CBR4: variants seen among roughly 807,000 people sequenced by gnomAD.
CBR4 encodes the protein 3-oxoacyl-[acyl-carrier-protein] reductase.
A neutral mutation model predicts 21.0 loss-of-function variants in CBR4; 22 were observed. The observed-to-expected ratio is 1.05, with a 90% CI of 0.75 to 1.50. The LOEUF (loss-of-function observed/expected upper bound fraction) is 1.50. CBR4 is among the 40% of genes most tolerant of loss of function. CBR4 has a pLI of 0.00. For missense variants in CBR4, 302 were observed against 286.3 expected, an observed-to-expected ratio of 1.05 and a Z score of -0.40; for synonymous variants, 100 against 104.4, an observed-to-expected ratio of 0.96 and a Z score of 0.26.
At position 168,894,750 on chromosome 4, in the gene CBR4, G is replaced by A. The variant is rs115275852; in HGVS notation, n.185C>T. On this transcript the variant is annotated non_coding_transcript_exon_variant, in exon 3 of 4. Coordinates refer to the CBR4 transcript ENST00000509108. ...CTTTTCCATCTTCCTTATGGATACTGTTCTTGGGATGAGTTCTGTGGAAAG... is the reference window on the plus strand; with the variant it reads ...CTTTTCCATCTTCCTTATGGATACTATTCTTGGGATGAGTTCTGTGGAAAG... 2,285 of 1,564,156 alleles carry A rather than the reference G, an allele frequency of 1.5e-3. 41 individuals are homozygous for A. In the African/African-American group the frequency reaches 0.027, roughly 18 times the overall value.
intron 2 of CBR4, chr4:168,921,393 G>A: frequency 1.8e-6 from 1 of 563,542 alleles, no homozygotes; most frequent in Non-Finnish European, 2.9e-6. Flanking sequence ...GGCAATAAGA[G>A]TGAAACTCTG....
chr4:168,947,608 C>T (rs1006642942), intron 2 of CBR4, among the ~76,000 whole-genome samples: 1 of 152,210 alleles, frequency 6.6e-6, no homozygotes, highest in Non-Finnish European at 1.5e-5. Flanking sequence ...CATAGCTTAG[C>T]TCCCACATAT....
rs542699729 is a variant in CBR4 at position 168,938,848 on chromosome 4, G to A, written n.170-44083C>T. 2.6e-5 allele frequency among the ~76,000 whole-genome samples: 4 copies of A among 152,264 alleles called. No individual in the cohort carries two copies. The South Asian group carries it at 6.2e-4, about 24-fold the overall frequency. The stretch of plus-strand genomic sequence containing the variant: ...AAGTCCAGGACTAGACGGATTCACA[G>A]CCAAATTCTACCAGAGGTACAAAGA... On this transcript the variant is annotated intron_variant and non_coding_transcript_variant, in intron 2 of 3. Transcript: ENST00000509108.
chr4:168,920,177 TG>T (rs1761153127), intron 2 of CBR4, among the ~76,000 whole-genome samples: 1 of 152,142 alleles, frequency 6.6e-6, no homozygotes, highest in African/African-American at 2.4e-5. Flanking sequence ...GGTCAGGCAG[TG>T]TACATGGAGA....
At chr4:168,982,884 C>G (rs1764582964), downstream of CBR4, among the ~76,000 whole-genome samples, 1 of 152,122 alleles carries the variant, frequency 6.6e-6, no homozygotes, top group African/African-American at 2.4e-5. Flanking sequence ...AACAAAGATG[C>G]AACATATGAA....
At position 169,006,579 on chromosome 4, in the gene CBR4, T is replaced by C. The variant is rs547624513; in HGVS notation, c.400+176A>G. ...TCATTTAACACCTGCCTGACTCCTA[T>C]AGGGATGTGAATGTGTGATTCTTAT... On this transcript the variant is annotated intron_variant, in intron 3 of 4. Coordinates refer to ENST00000306193, the MANE Select transcript of CBR4 (RefSeq NM_032783.5). 1.6e-4 allele frequency among the ~76,000 whole-genome samples: 24 copies of C among 152,344 alleles called. No individual in the cohort carries two copies. In the South Asian group the frequency reaches 2.9e-3, roughly 18 times the overall value.
Position 168,976,881 on chromosome 4 carries a change from G to A in CBR4, n.169+25190C>T, listed in dbSNP as rs1764388919. Reference sequence around the variant, plus strand: ...CTTTTGTGGATCTTCACTTGCTTCAGGCCATCTAGATGTATACATGCAGGT... The same window carrying A: ...CTTTTGTGGATCTTCACTTGCTTCAAGCCATCTAGATGTATACATGCAGGT... On this transcript the variant is annotated intron_variant and non_coding_transcript_variant, in intron 2 of 3. Transcript: ENST00000509108. 2.0e-5 allele frequency among the ~76,000 whole-genome samples: 3 copies of A among 152,344 alleles called. No individual in the cohort carries two copies. In the South Asian group the frequency reaches 6.2e-4, roughly 32 times the overall value.
At chr4:168,962,561 T>C (rs1354051417) in intron 2 of CBR4, among the ~76,000 whole-genome samples, 1 of 152,196 alleles carries the variant, frequency 6.6e-6, no homozygotes, top group African/African-American at 2.4e-5. Context: ...CACAGAAGAA[T>C]TGCTGGTTGG....
intron 2 of CBR4, among the ~76,000 whole-genome samples, chr4:168,963,231 T>C (rs1763915104): frequency 6.6e-6 from 1 of 152,220 alleles, no homozygotes; most frequent in South Asian, 2.1e-4. Context: ...GCCAGTTTTA[T>C]CCTGATGTTA....
chr4:168,905,150 T>TG (rs1560895065), intron 2 of CBR4, among the ~76,000 whole-genome samples: 10 of 130,808 alleles, frequency 7.6e-5, no homozygotes, highest in Non-Finnish European at 1.1e-4. Flanking sequence ...TTTTTTTTTT[T>TG]TTTTTTTTTT....
At chr4:168,899,963 T>G in intron 2 of CBR4, among the ~76,000 whole-genome samples, 1 of 151,898 alleles carries the variant, frequency 6.6e-6, no homozygotes. Context: ...GGCTCACAGT[T>G]CTGCATGGTA....
At chr4:168,905,157 T>G (rs562810749) in intron 2 of CBR4, among the ~76,000 whole-genome samples, 33 of 137,454 alleles carry the variant, frequency 2.4e-4, no homozygotes, top group African/African-American at 7.5e-4. Context: ...TTTTTTTTTT[T>G]TTTTTTTTTT....
chr4:168,925,751 A>ATAAC (rs1186425345), intron 2 of CBR4, among the ~76,000 whole-genome samples: 5 of 152,228 alleles, frequency 3.3e-5, no homozygotes, highest in Admixed American at 6.5e-5. Flanking sequence ...TCTTCTTGAA[A>ATAAC]TAACTATGTG....
chr4:169,005,902 T>A (rs1730875955), intron 3 of CBR4: 2 of 1,288,494 alleles, frequency 1.6e-6, no homozygotes, highest in Non-Finnish European at 2.0e-6. Context: ...GAGCAGCATC[T>A]CCCTTCTGTG....
At position 169,006,048 on chromosome 4, in the gene CBR4, C is replaced by CT. The variant is rs1019593333; in HGVS notation, c.400+706dup. ...GCATATACTCCACAGCTTATCTGCC[C>CT]TGTGGGTTAGATGAACTGAAAACTA... On this transcript the variant is annotated intron_variant, in intron 3 of 4. Transcript: ENST00000306193. The CT allele has an allele frequency of 8.5e-5, 40 of 471,626 alleles. 1 individual carries two copies. The highest frequency in any genetic ancestry group is 7.6e-4 in the African/African-American group (37 of 48,974). The allele number at this position is 471,626 out of a possible 1,614,324, so 29.2% of individuals were successfully genotyped here. A position where few individuals can be genotyped will look rare whatever the true frequency, so the allele number is the denominator to read the frequency against.
intron 2 of CBR4, among the ~76,000 whole-genome samples, chr4:168,919,455 G>A (rs1218538022): frequency 6.6e-6 from 1 of 151,836 alleles, no homozygotes; most frequent in Non-Finnish European, 1.5e-5. Context: ...AACCCGGGAG[G>A]CGGAGGTTGC....
At position 168,913,992 on chromosome 4, in the gene CBR4, G is replaced by T. The variant is rs1257537496; in HGVS notation, n.170-19227C>A. Reference sequence around the variant, plus strand: ...TCAACCAAAGAGGTCGAAGTCCCCGGTCTCCCTCAGGCCATCCTCATGTCA... The same window carrying T: ...TCAACCAAAGAGGTCGAAGTCCCCGTTCTCCCTCAGGCCATCCTCATGTCA... On this transcript the variant is annotated intron_variant and non_coding_transcript_variant, in intron 2 of 3. Transcript: ENST00000509108. 1.2e-6 allele frequency: 2 copies of T among 1,611,192 alleles called. No individual in the cohort carries two copies. Among genetic ancestry groups the T allele is most frequent in the Non-Finnish European group, 1.7e-6 (2 of 1,177,484 alleles).
intron 2 of CBR4, among the ~76,000 whole-genome samples, chr4:168,965,057 CAA>C (rs1175928247): frequency 1.9e-4 from 29 of 152,154 alleles, no homozygotes; most frequent in Non-Finnish European, 1.5e-5. Context: ...GCAACTTCAG[CAA>C]AGTCTCAGGA....
chr4:168,937,238 A>C (rs180813653), intron 2 of CBR4, among the ~76,000 whole-genome samples: 269 of 152,302 alleles, frequency 1.8e-3, no homozygotes, highest in African/African-American at 6.2e-3. Context: ...GAGAAATAAA[A>C]TCCTTTACAC....
Sources: allele counts gnomAD v4.1 joint callset (sites outside exome capture counted in the v4.1 genomes callset), GRCh38; gene constraint gnomAD v4.1.1; transcripts MANE v1.5; gene names NCBI Gene and HGNC (gene_info 2026-07-23, HGNC 2026-07-21).